The following UBAP2 variants were observed in gnomAD, a reference collection of about 807,000 sequenced individuals.
UBAP2 encodes ubiquitin-associated protein 2.
Under a neutral mutation model 139.6 loss-of-function variants are expected in UBAP2, and 75 were observed. The observed-to-expected ratio is 0.54, with a 90% confidence interval of 0.45 to 0.65. The LOEUF (loss-of-function observed/expected upper bound fraction) is 0.65, where lower values mean the gene tolerates loss of function less well. Ranked by LOEUF, UBAP2 falls within the 30% of genes least tolerant of loss-of-function variation. The probability of loss-of-function intolerance (pLI) is 0.00; values close to 1 mark genes in which losing one functional copy is unlikely to be tolerated. For synonymous variants in UBAP2, 526 were observed against 526.2 expected, an observed-to-expected ratio of 1.00 and a Z score of 0.01; for missense variants, 1,368 against 1,369.6, an observed-to-expected ratio of 1.00 and a Z score of 0.02.
At chr9:33,930,920 C>T (rs1024499583) in intron 19 of UBAP2, among the ~76,000 whole-genome samples, 13 of 133,880 alleles carry the variant, frequency 9.7e-5, no homozygotes, top group African/African-American at 3.2e-4. Context: ...AAAAAAAAAG[C>T]GGATGATAAT....
At chr9:33,965,546 A>G (rs889584542) in intron 8 of UBAP2, among the ~76,000 whole-genome samples, 5 of 152,134 alleles carry the variant, frequency 3.3e-5, no homozygotes, top group Non-Finnish European at 2.9e-5. Flanking sequence ...ATTTGCCACT[A>G]TATCTTCTTT....
chr9:33,961,615 T>C (rs1023960350), intron 9 of UBAP2, among the ~76,000 whole-genome samples: 1 of 152,178 alleles, frequency 6.6e-6, no homozygotes, highest in Non-Finnish European at 1.5e-5. Flanking sequence ...CCATAGATAA[T>C]GGTTTTAAAG....
intron 8 of UBAP2, 85 bp from the exon 9 acceptor site, chr9:33,963,876 T>C: frequency 1.0e-6 from 1 of 985,044 alleles, no homozygotes; most frequent in Non-Finnish European, 1.6e-6. Context: ...CTGTCAAAGC[T>C]ATGTATATGC....
rs1198738064 is a variant in UBAP2, at chr9:33,979,937, G to A, written c.521-6700C>T. On this transcript the variant is annotated intron_variant, in intron 6 of 28. Transcript: ENST00000379238. ...AAATACAAAAAATTAGCCGGGCATG[G>A]TGGCACACTCCTGTAGTCCCAGCTA... 4.0e-5 allele frequency among the ~76,000 whole-genome samples: 6 copies of A among 150,244 alleles called. No homozygotes were observed. The East Asian group carries it at 8.1e-4, about 20-fold the overall frequency.
chr9:33,925,662 C>T (rs1024553616), intron 22 of UBAP2, among the ~76,000 whole-genome samples: 7 of 152,206 alleles, frequency 4.6e-5, no homozygotes, highest in African/African-American at 1.4e-4. Context: ...GGCTAGGCCT[C>T]TGCTTCTGGA....
chr9:33,974,231 G>C (rs1012930984), intron 6 of UBAP2, among the ~76,000 whole-genome samples: 8 of 152,132 alleles, frequency 5.3e-5, no homozygotes, highest in Admixed American at 1.3e-4. Flanking sequence ...ATATTGGCTA[G>C]GCACGGTGGC....
chr9:34,009,318 C>T (rs891311622), intron 2 of UBAP2, among the ~76,000 whole-genome samples: 1 of 152,000 alleles, frequency 6.6e-6, no homozygotes, highest in Non-Finnish European at 1.5e-5. Flanking sequence ...AGGCTGGTCT[C>T]GAACCCCTGG....
At chr9:33,923,127 G>A (rs1436428386) in intron 26 of UBAP2, 59 bp downstream of exon 26, 4 of 1,607,138 alleles carry the variant, frequency 2.5e-6, no homozygotes, top group Admixed American at 1.7e-5. Context: ...GCCTGAGAGG[G>A]GATCAGGCAG....
chr9:33,941,527 T>C (rs1159279948), intron 16 of UBAP2, 122 bp downstream of exon 16: 3 of 835,034 alleles, frequency 3.6e-6, no homozygotes, highest in African/African-American at 1.7e-5. Flanking sequence ...ACTATAAGGA[T>C]TCTACTCAAA....
At chr9:33,925,548 GA>G (rs1408181142) in intron 22 of UBAP2, among the ~76,000 whole-genome samples, 4 of 152,214 alleles carry the variant, frequency 2.6e-5, no homozygotes, top group Non-Finnish European at 5.9e-5. Context: ...CCCTGAAGCA[GA>G]ATGAATCCCG....
chr9:33,997,564 T>C (rs1344535142), intron 3 of UBAP2: 1 of 152,230 alleles, frequency 6.6e-6, no homozygotes, highest in African/African-American at 2.4e-5. Flanking sequence ...TCTATAGCTT[T>C]CTGATGCTTC....
intron 6 of UBAP2, among the ~76,000 whole-genome samples, chr9:33,984,259 T>C (rs557103458): frequency 6.6e-6 from 1 of 152,286 alleles, no homozygotes; most frequent in East Asian, 1.9e-4. Flanking sequence ...ATTAAGGAAG[T>C]ATCATCTAAG....
chr9:33,957,185 T>A (rs1011762779), intron 10 of UBAP2, among the ~76,000 whole-genome samples: 3 of 152,206 alleles, frequency 2.0e-5, no homozygotes, highest in African/African-American at 7.2e-5. Context: ...ACTTAATTGA[T>A]CAGTAATTTT....
At chr9:33,924,350 G>A (rs1823236208) in intron 22 of UBAP2, 66 bp from the exon 23 acceptor site, 1 of 1,487,056 alleles carries the variant, frequency 6.7e-7, no homozygotes, top group Non-Finnish European at 9.4e-7. Flanking sequence ...AGCAGAACCA[G>A]CACATGGAAG....
intron 1 of UBAP2, among the ~76,000 whole-genome samples, chr9:34,035,558 C>T (rs1826291985): frequency 8.1e-6 from 1 of 123,272 alleles, no homozygotes; most frequent in Non-Finnish European, 1.7e-5. Flanking sequence ...TGGCACGTGC[C>T]TGTAATTCCA....
In UBAP2 at chr9:33,973,234, A is replaced by T; in HGVS notation, c.524T>A (p.Phe175Tyr). ...DRGKRARGRG[F>Y]GRGRGRGAGR... ...TGCCCCTCTCCCTCTGCCACGTCCA[A>T]ATCCTTTAAAAAAACACACAATTAT... is the stretch of plus-strand genomic sequence containing the variant. The change falls in exon 7 of 29, where the codon TTT (phenylalanine) becomes TAT (tyrosine). Residue 175 changes from phenylalanine to tyrosine, a missense_variant. Transcript: ENST00000379238. 6.2e-7 allele frequency: 1 copy of T among 1,613,952 alleles called. No individual in the cohort carries two copies. Among genetic ancestry groups the T allele is most frequent in the Non-Finnish European group, 8.5e-7 (1 of 1,179,924 alleles).
intron 16 of UBAP2, among the ~76,000 whole-genome samples, chr9:33,937,054 A>G (rs1824609196): frequency 6.6e-6 from 1 of 152,016 alleles, no homozygotes; most frequent in African/African-American, 2.4e-5. Context: ...GGTGAATGCT[A>G]CTAAATATTT....
In UBAP2 at chr9:33,944,438, A is replaced by G. The variant is rs1224274494; in HGVS notation, c.1472T>C (p.Ile491Thr). Residue 491 changes from isoleucine to threonine, a missense_variant, in exon 14 of 29, where the codon ATC becomes ACC. Coordinates refer to ENST00000379238, the MANE Select transcript of UBAP2 (RefSeq NM_001370062.2). ...CTGTGGCTGGTGGACAGACACAGAG[A>G]TATTTTCAATGGTCGTGCTGGGAAG... is the stretch of plus-strand genomic sequence containing the variant. ...LQLPSTTIEN[I>T]SVSVHQPQPK... 5 of 1,614,042 alleles carry G rather than the reference A, an allele frequency of 3.1e-6. No homozygotes were observed. In the Admixed American group the frequency reaches 5.0e-5, roughly 16 times the overall value.
At chr9:34,002,316 A>G (rs1822778090) in intron 2 of UBAP2, among the ~76,000 whole-genome samples, 1 of 151,694 alleles carries the variant, frequency 6.6e-6, no homozygotes, top group African/African-American at 2.4e-5. Flanking sequence ...ACTCACAGAC[A>G]CAATTTATTA....
Sources: allele counts gnomAD v4.1 joint callset (sites outside exome capture counted in the v4.1 genomes callset), GRCh38; gene constraint gnomAD v4.1.1; transcripts MANE v1.5; gene names NCBI Gene and HGNC (gene_info 2026-07-23, HGNC 2026-07-21).